Variants in EFCAB11 observed in about 807,000 individuals in gnomAD.
EFCAB11 encodes the protein EF-hand calcium binding domain 11.
Under a neutral mutation model 23.0 loss-of-function variants are expected in EFCAB11, and 14 were observed. That is an observed-to-expected ratio of 0.61 (90% CI 0.40 to 0.95). The LOEUF (loss-of-function observed/expected upper bound fraction) is 0.95, where lower values mean the gene tolerates loss of function less well. EFCAB11 is among the 40% of genes least tolerant of loss of function. EFCAB11 has a pLI of 0.00. For synonymous variants in EFCAB11, 65 were observed against 66.6 expected (o/e 0.98, Z 0.11); for missense variants, 198 against 195.8 (o/e 1.01, Z -0.07).
At chr14:89,948,802 T>A (rs1204177217) in intron 3 of EFCAB11, among the ~76,000 whole-genome samples, 1 of 151,162 alleles carries the variant, frequency 6.6e-6, no homozygotes, top group Non-Finnish European at 1.5e-5. Context: ...TTCATGGACA[T>A]AGAAAGTAGA....
At chr14:89,922,768 C>T (rs909999519) in intron 5 of EFCAB11, among the ~76,000 whole-genome samples, 1 of 152,042 alleles carries the variant, frequency 6.6e-6, no homozygotes, top group African/African-American at 2.4e-5. Flanking sequence ...TCCATTCTGA[C>T]ACTGGAAATA....
At chr14:89,869,870 A>G (rs1888213890) in intron 5 of EFCAB11, among the ~76,000 whole-genome samples, 1 of 152,196 alleles carries the variant, frequency 6.6e-6, no homozygotes, top group Non-Finnish European at 1.5e-5. Flanking sequence ...AAGTGTGATA[A>G]GGGCTGGTGA....
intron 5 of EFCAB11, among the ~76,000 whole-genome samples, chr14:89,905,874 G>GA (rs1889480787): frequency 6.6e-6 from 1 of 152,050 alleles, no homozygotes; most frequent in Admixed American, 6.6e-5. Context: ...AGCAAAGACG[G>GA]AAAAGGAAAA....
intron 5 of EFCAB11, among the ~76,000 whole-genome samples, chr14:89,930,730 C>T (rs1028061471): frequency 2.6e-5 from 4 of 152,146 alleles, no homozygotes; most frequent in African/African-American, 9.7e-5. Flanking sequence ...TCAACATTCG[C>T]CCCTGGTTTG....
rs570342679 is a variant in EFCAB11, at chr14:89,896,346, T to C, written c.410+35195A>G. Among the ~76,000 whole-genome samples, 314 of 151,764 alleles carry C rather than the reference T, an allele frequency of 2.1e-3. 1 individual carries two copies. Among genetic ancestry groups the C allele is most frequent in the African/African-American group, 7.2e-3 (298 of 41,376 alleles). On this transcript the variant is annotated intron_variant, in intron 5 of 5. Transcript: ENST00000316738. ...CGGAGCTTGCAGTGAGCCGAGATCGTGCCACTGCACTCCAGCCTGGGTGGC... is the reference window on the plus strand; with the variant it reads ...CGGAGCTTGCAGTGAGCCGAGATCGCGCCACTGCACTCCAGCCTGGGTGGC...
At chr14:89,952,168 C>T (rs1222334968) in intron 2 of EFCAB11, among the ~76,000 whole-genome samples, 2 of 152,128 alleles carry the variant, frequency 1.3e-5, no homozygotes, top group African/African-American at 4.8e-5. Context: ...AGGTGACATG[C>T]TATTAGTAAA....
At chr14:89,917,053 C>CGTGTGTGTGTGTGT (rs71107570) in intron 5 of EFCAB11, among the ~76,000 whole-genome samples, 4 of 136,628 alleles carry the variant, frequency 2.9e-5, no homozygotes, top group African/African-American at 5.9e-5. Context: ...TGACATGCTT[C>CGTGTGTGTGTGTGT]GTGTGTGTGT....
At chr14:89,906,314 T>A (rs771938305) in intron 5 of EFCAB11, among the ~76,000 whole-genome samples, 5 of 152,216 alleles carry the variant, frequency 3.3e-5, no homozygotes, top group Non-Finnish European at 1.5e-5. Flanking sequence ...GATTACCTGA[T>A]ATATCTGTTA....
chr14:89,869,713 C>G (rs531219439), intron 5 of EFCAB11, among the ~76,000 whole-genome samples: 1 of 152,172 alleles, frequency 6.6e-6, no homozygotes, highest in Non-Finnish European at 1.5e-5. Context: ...GTAAATAAAG[C>G]AAAGCACAGA....
chr14:89,923,956 C>T (rs1890102085), intron 5 of EFCAB11: 2 of 984,856 alleles, frequency 2.0e-6, no homozygotes, highest in East Asian at 1.1e-4. Context: ...AGGCCCTCAG[C>T]TCTGTAAGAC....
upstream of EFCAB11, chr14:89,954,758 G>T (rs890495258): frequency 2.0e-6 from 3 of 1,516,112 alleles, no homozygotes; most frequent in Non-Finnish European, 1.8e-6. Flanking sequence ...CGCGGCTCAG[G>T]AAGCCGAACT....
intron 3 of EFCAB11, among the ~76,000 whole-genome samples, chr14:89,949,521 C>T (rs553576995): frequency 3.3e-5 from 5 of 151,394 alleles, no homozygotes; most frequent in Non-Finnish European, 7.4e-5. Flanking sequence ...CCTGCCACCA[C>T]GCCCAGCTAA....
At position 89,881,043 on chromosome 14, in the gene EFCAB11, G is replaced by C. The variant is rs566734904; in HGVS notation, c.410+50498C>G. On this transcript the variant is annotated intron_variant, in intron 5 of 5. Transcript: ENST00000316738. Reference sequence around the variant, plus strand: ...ACAAACACACGTCACCCTCTCCTGTGGTCTCTGCAGGCACCCTGAAGTGAC... The same window carrying C: ...ACAAACACACGTCACCCTCTCCTGTCGTCTCTGCAGGCACCCTGAAGTGAC... 2.6e-5 allele frequency among the ~76,000 whole-genome samples: 4 copies of C among 151,976 alleles called. No homozygotes were observed. In the South Asian group the frequency reaches 8.3e-4, roughly 32 times the overall value.
intron 3 of EFCAB11, among the ~76,000 whole-genome samples, chr14:89,941,426 A>C (rs1477485501): frequency 6.6e-6 from 1 of 152,168 alleles, no homozygotes; most frequent in Non-Finnish European, 1.5e-5. Flanking sequence ...CACTATTAAA[A>C]ATCAAAGGAA....
chr14:89,833,274 T>C (rs1886948468), intron 5 of EFCAB11: 1 of 151,934 alleles, frequency 6.6e-6, no homozygotes, highest in African/African-American at 2.4e-5. Context: ...ATATGATCTT[T>C]GGAATCTCGT....
chr14:89,941,581 G>A (rs1446592416), intron 3 of EFCAB11, among the ~76,000 whole-genome samples: 2 of 142,440 alleles, frequency 1.4e-5, no homozygotes, highest in Non-Finnish European at 3.0e-5. Flanking sequence ...AAACTTTTTA[G>A]TACTTTTTTT....
chr14:89,913,439 G>C (rs150648758), intron 5 of EFCAB11, among the ~76,000 whole-genome samples: 1 of 152,122 alleles, frequency 6.6e-6, no homozygotes, highest in African/African-American at 2.4e-5. Context: ...AGTCACATAC[G>C]TTTGTTTGAC....
chr14:89,858,349 C>T (rs1887818292), intron 5 of EFCAB11, among the ~76,000 whole-genome samples: 1 of 152,170 alleles, frequency 6.6e-6, no homozygotes, highest in African/African-American at 2.4e-5. Context: ...CCCAGCAAAG[C>T]CACTCCCAGA....
chr14:89,939,481 A>C (rs1220201837), intron 3 of EFCAB11, among the ~76,000 whole-genome samples: 1 of 152,222 alleles, frequency 6.6e-6, no homozygotes, highest in African/African-American at 2.4e-5. Context: ...CACAGAGAGC[A>C]CAGCACCAGC....
Sources: gnomAD v4.1 joint callset for allele counts (sites outside exome capture counted in the v4.1 genomes callset) on GRCh38, gnomAD v4.1.1 for gene constraint, MANE v1.5 for transcripts, NCBI Gene and HGNC (gene_info 2026-07-23, HGNC 2026-07-21) for gene names.